The following TUBB6 variants were observed in gnomAD, a reference collection of about 807,000 sequenced individuals.
The protein encoded by TUBB6 is tubulin beta-6 chain.
Under a neutral mutation model 32.3 loss-of-function variants are expected in TUBB6, and 18 were observed. The observed-to-expected ratio is 0.56, with a 90% CI of 0.39 to 0.83. TUBB6 has a LOEUF of 0.83. Ranked by LOEUF, TUBB6 falls within the 40% of genes least tolerant of loss-of-function variation. TUBB6 has a pLI of 0.00. For missense variants in TUBB6, 480 were observed against 632.0 expected, an observed-to-expected ratio of 0.76 and a Z score of 2.58; for synonymous variants, 280 against 265.8, an observed-to-expected ratio of 1.05 and a Z score of -0.52.
chr18:12,326,157 T>A lies in TUBB6; in HGVS notation c.*27T>A. The stretch of plus-strand genomic sequence containing the variant: ...CGGAATAGAGCCGCCCCAACTCAGA[T>A]CCTACAACACGCAAGTTCCTTCTTG... On this transcript the variant is annotated 3_prime_UTR_variant, in exon 4 of 4. Transcript: ENST00000317702. The A allele has an allele frequency of 6.3e-7, 1 of 1,590,800 alleles. No homozygotes were observed. Among genetic ancestry groups the A allele is most frequent in the Non-Finnish European group, 8.6e-7 (1 of 1,167,676 alleles).
downstream of TUBB6, chr18:12,329,199 G>A: frequency 1.4e-6 from 1 of 702,944 alleles, no homozygotes. Flanking sequence ...GGGCGACAAA[G>A]AGAAAGCATC....
At chr18:12,311,894 G>A (rs1215664009) in intron 3 of TUBB6, among the ~76,000 whole-genome samples, 1 of 151,982 alleles carries the variant, frequency 6.6e-6, no homozygotes, top group East Asian at 1.9e-4. Context: ...CTATTTTAAT[G>A]TTAGAGACCA....
chr18:12,323,994 G>T (rs543361994), intron 3 of TUBB6, among the ~76,000 whole-genome samples: 1 of 152,120 alleles, frequency 6.6e-6, no homozygotes, highest in African/African-American at 2.4e-5. Context: ...ATAAATAATT[G>T]GTTCTGCAAA....
chr18:12,320,068 G>A lies in TUBB6; in HGVS notation c.278-4999G>A, dbSNP rs147943792. 5.3e-3 allele frequency among the ~76,000 whole-genome samples: 803 copies of A among 152,006 alleles called. 6 individuals carry two copies. The highest frequency in any genetic ancestry group is 0.018 in the African/African-American group (755 of 41,438). ...CTCCCAAAGTGCTAAGATTACAAGC[G>A]TGAGCCACCGTGCCCAGCCAAAAAA... On this transcript the variant is annotated intron_variant, in intron 3 of 3. Transcript: ENST00000317702.
intron 3 of TUBB6, among the ~76,000 whole-genome samples, chr18:12,319,414 G>A (rs1374972227): frequency 6.6e-6 from 1 of 151,956 alleles, no homozygotes; most frequent in Non-Finnish European, 1.5e-5. Flanking sequence ...CAAAAGTACT[G>A]GGATTACAGG....
chr18:12,327,843 G>T (rs1568129714), downstream of TUBB6, among the ~76,000 whole-genome samples: 1 of 152,210 alleles, frequency 6.6e-6, no homozygotes, highest in African/African-American at 2.4e-5. Flanking sequence ...TCCCCCGGGA[G>T]GTCTCACAGC....
At chr18:12,308,467 C>G (rs796976050) in intron 1 of TUBB6, 118 bp downstream of exon 1, 4 of 902,202 alleles carry the variant, frequency 4.4e-6, no homozygotes, top group Non-Finnish European at 5.9e-6. Context: ...CCTCGGAGCC[C>G]GGTGCGGACC....
In TUBB6 at chr18:12,308,772, A is replaced by G; in HGVS notation, c.143A>G (p.Asn48Ser). The change falls in exon 2 of 4, where the codon AAC becomes AGC. Residue 48 changes from asparagine (N) to serine (S), a missense_variant. Asn to Ser is a conservative substitution (Grantham distance 46, BLOSUM62 1). Coordinates refer to ENST00000317702, the MANE Select transcript of TUBB6 (RefSeq NM_032525.3). ...GDSALQLERI[N>S]VYYNESSSQK... is the part of the protein sequence containing the mutation. ...TCGGCGCTGCAGCTGGAGAGAATCA[A>G]CGTCTACTACAATGAGTCATCGTGT... The G allele has an allele frequency of 1.9e-6, 3 of 1,610,576 alleles. No individual in the cohort carries two copies. The highest frequency in any genetic ancestry group is 1.7e-6 in the Non-Finnish European group (2 of 1,177,128).
intron 3 of TUBB6, among the ~76,000 whole-genome samples, chr18:12,315,710 C>T (rs544335349): frequency 8.5e-5 from 13 of 152,196 alleles, no homozygotes; most frequent in Non-Finnish European, 1.9e-4. Flanking sequence ...ACTCAGCGCA[C>T]GCTGCACTGT....
intron 2 of TUBB6, among the ~76,000 whole-genome samples, chr18:12,310,171 AT>A (rs983206917): frequency 4.6e-4 from 69 of 151,578 alleles, no homozygotes; most frequent in Non-Finnish European, 8.1e-4. Flanking sequence ...AGGTTCTAGG[AT>A]TTTTTTTCTT....
chr18:12,325,893 C>T lies in TUBB6; in HGVS notation c.1104C>T (p.Ile368=), dbSNP rs374091762. 20 of 1,614,000 alleles carry T rather than the reference C, an allele frequency of 1.2e-5. 1 individual carries two copies. The highest frequency in any genetic ancestry group is 8.8e-5 in the South Asian group (8 of 91,086). Residue 368 remains isoleucine (I), a synonymous_variant, in exon 4 of 4, where the codon ATC becomes ATT. Transcript: ENST00000317702. ...PRGLKMASTF[I]GNSTAIQELF... ...GCCTGAAGATGGCCTCCACCTTCATCGGCAACAGCACGGCCATCCAGGAGC... is the reference window on the plus strand; with the variant it reads ...GCCTGAAGATGGCCTCCACCTTCATTGGCAACAGCACGGCCATCCAGGAGC...
intron 3 of TUBB6, among the ~76,000 whole-genome samples, chr18:12,324,481 C>T (rs183726950): frequency 6.9e-6 from 1 of 144,866 alleles, no homozygotes; most frequent in Non-Finnish European, 1.5e-5. Flanking sequence ...CCCATTCTGA[C>T]GCCCAAGCTG....
intron 3 of TUBB6, among the ~76,000 whole-genome samples, chr18:12,321,991 A>C (rs150941708): frequency 1.3e-5 from 2 of 152,142 alleles, no homozygotes; most frequent in South Asian, 4.1e-4. Flanking sequence ...GTCGTTTCCA[A>C]TTCTGCTTTC....
At chr18:12,310,453 T>A (rs1568118710) in intron 2 of TUBB6, among the ~76,000 whole-genome samples, 1 of 146,000 alleles carries the variant, frequency 6.8e-6, no homozygotes, top group Non-Finnish European at 1.5e-5. Flanking sequence ...ATCACACCAC[T>A]GCATTCCAGC....
chr18:12,312,999 C>CAAGA, intron 3 of TUBB6, among the ~76,000 whole-genome samples: 1 of 106,558 alleles, frequency 9.4e-6, no homozygotes. Context: ...AATTCTATCT[C>CAAGA]AAAAAAAAAA....
At position 12,325,574 on chromosome 18, in the gene TUBB6, G is replaced by A. The variant is rs1907253042; in HGVS notation, c.785G>A (p.Arg262His). 1.2e-6 allele frequency: 2 copies of A among 1,613,944 alleles called. No homozygotes were observed. The highest frequency in any genetic ancestry group is 2.7e-5 in the African/African-American group (2 of 74,948). The change falls in exon 4 of 4, where the codon CGC (arginine) becomes CAC (histidine). Residue 262 changes from arginine to histidine, a missense_variant. Coordinates refer to ENST00000317702, the MANE Select transcript of TUBB6 (RefSeq NM_032525.3). ...GCGGTGAACATGGTGCCCTTCCCGCGCCTGCACTTCTTCATGCCTGGCTTC... is the reference window on the plus strand; with the variant it reads ...GCGGTGAACATGGTGCCCTTCCCGCACCTGCACTTCTTCATGCCTGGCTTC... The part of the protein sequence containing the change: ...KLAVNMVPFP[R>H]LHFFMPGFAP...
In TUBB6 at chr18:12,325,396, G is replaced by A. The variant is rs1263308119; in HGVS notation, c.607G>A (p.Asp203Asn). 3 of 1,614,218 alleles carry A rather than the reference G, an allele frequency of 1.9e-6. No individual in the cohort carries two copies. The highest frequency in any genetic ancestry group is 2.2e-5 in the South Asian group (2 of 91,090). The change falls in exon 4 of 4, where the codon GAC (aspartate) becomes AAC (asparagine). Residue 203 changes from aspartate to asparagine, a missense_variant. By Grantham distance (23) the Asp-to-Asn change is conservative (BLOSUM62 1). Transcript: ENST00000317702. ...VENTDETYCI[D>N]NEALYDICFR... ...GAATACAGACGAGACCTACTGCATC[G>A]ACAACGAGGCGCTCTATGACATCTG...
chr18:12,310,242 CA>C (rs1383600149), intron 2 of TUBB6, among the ~76,000 whole-genome samples: 1 of 151,944 alleles, frequency 6.6e-6, no homozygotes, highest in Non-Finnish European at 1.5e-5. Flanking sequence ...GTAATCCCAG[CA>C]CTTTGGGAGG....
downstream of TUBB6, chr18:12,329,433 C>T: frequency 2.0e-6 from 2 of 979,512 alleles, no homozygotes; most frequent in Non-Finnish European, 3.3e-6. Context: ...GGACTCCTTT[C>T]CCCATCATTT....
Sources: gnomAD v4.1 joint callset for allele counts (sites outside exome capture counted in the v4.1 genomes callset) on GRCh38, gnomAD v4.1.1 for gene constraint, MANE v1.5 for transcripts, NCBI Gene and HGNC (gene_info 2026-07-23, HGNC 2026-07-21) for gene names.